AFF2: variants seen among roughly 807,000 people sequenced by gnomAD.
The protein encoded by AFF2 is ALF transcription elongation factor 2, also known as AF4/FMR2 family member 2.
In AFF2, 14 loss-of-function variants were observed where a neutral mutation model predicts 76.9. The observed-to-expected ratio is 0.18, with a 90% CI of 0.12 to 0.28. AFF2 has a LOEUF of 0.28. Ranked by LOEUF, AFF2 falls within the 10% of genes least tolerant of loss-of-function variation. AFF2 has a pLI of 1.00. For missense variants in AFF2, 868 were observed against 1,001.1 expected (o/e 0.87, Z 1.79); for synonymous variants, 398 against 366.7 (o/e 1.09, Z -0.98).
At chrX:148,618,537 T>C (rs1210934675) in intron 1 of AFF2, among the ~76,000 whole-genome samples, 1 of 111,448 alleles carries the variant, frequency 9.0e-6, no homozygotes, top group Admixed American at 9.5e-5. Context: ...ATGGGGATTA[T>C]TATAATTGAA....
chrX:148,766,642 C>T (rs1256364013), intron 3 of AFF2, among the ~76,000 whole-genome samples: 1 of 108,269 alleles, frequency 9.2e-6, no homozygotes, highest in Non-Finnish European at 1.9e-5. Context: ...AAATTTTCTC[C>T]CATTTTGTAG....
rs1557292638 is a variant in AFF2 at position 148,993,948 on chromosome X, C to T, written c.*2616C>T. ...TCACAGTGTAAATGGTGATGCGTGT[C>T]GTAGGTGTGCAGCTATTTGAGGGAC... On this transcript the variant is annotated 3_prime_UTR_variant, in exon 21 of 21. Coordinates refer to ENST00000370460, the MANE Select transcript of AFF2 (RefSeq NM_002025.4). The T allele has an allele frequency of 8.9e-6, 1 of 111,915 alleles. No homozygotes were observed. The highest frequency in any genetic ancestry group is 3.3e-5 in the African/African-American group (1 of 30,603). 9.2% of individuals were successfully genotyped at this position (111,915 alleles called of 1,213,427 possible). A position where few individuals can be genotyped will look rare whatever the true frequency, so the allele number is the denominator to read the frequency against.
chrX:148,974,365 A>T (rs1359086082), intron 16 of AFF2, among the ~76,000 whole-genome samples: 3 of 111,425 alleles, frequency 2.7e-5, no homozygotes, highest in Non-Finnish European at 5.7e-5. Flanking sequence ...AATAGTGGAT[A>T]AGCACCATCG....
At chrX:148,553,520 C>T (rs1305571617) in intron 1 of AFF2, among the ~76,000 whole-genome samples, 3 of 111,710 alleles carry the variant, frequency 2.7e-5, no homozygotes, top group Admixed American at 1.9e-4. Context: ...AAACACATAA[C>T]AAATGTACTG....
intron 1 of AFF2, among the ~76,000 whole-genome samples, chrX:148,622,231 G>A (rs1473668377): frequency 8.9e-6 from 1 of 111,934 alleles, no homozygotes; most frequent in Non-Finnish European, 1.9e-5. Context: ...TTCAGAAAAA[G>A]AGAACCAGTA....
At chrX:148,653,410 G>A (rs1013220635) in intron 2 of AFF2, among the ~76,000 whole-genome samples, 10 of 112,013 alleles carry the variant, frequency 8.9e-5, no homozygotes, top group African/African-American at 2.9e-4. Context: ...GTTCCTAGTC[G>A]AGTGGCAGAG....
chrX:148,633,491 G>A (rs1432195521), intron 1 of AFF2, among the ~76,000 whole-genome samples: 1 of 112,165 alleles, frequency 8.9e-6, no homozygotes, highest in Non-Finnish European at 1.9e-5. Flanking sequence ...AGCATTCACC[G>A]TACCCTTATA....
At chrX:148,829,637 T>A (rs1557273173) in intron 4 of AFF2, among the ~76,000 whole-genome samples, 1 of 112,247 alleles carries the variant, frequency 8.9e-6, no homozygotes, top group East Asian at 2.8e-4. Context: ...TCTTCTCATA[T>A]ATATCTTTGA....
rs781996939 is a variant in AFF2, at chrX:148,739,363, A to G, written c.1042-70513A>G. Among the ~76,000 whole-genome samples, 42 of 112,187 alleles carry G rather than the reference A, an allele frequency of 3.7e-4. 2 individuals carry two copies. The South Asian group carries it at 0.015, about 39-fold the overall frequency. Reference sequence around the variant, plus strand: ...CTGTTGGATAAGGCCTTTTACCATTATATAATGTCCCTCTCTGTCTCTTTT... The same window carrying G: ...CTGTTGGATAAGGCCTTTTACCATTGTATAATGTCCCTCTCTGTCTCTTTT... On this transcript the variant is annotated intron_variant, in intron 3 of 20. Transcript: ENST00000370460.
chrX:148,581,326 A>G (rs1373954892), intron 1 of AFF2, among the ~76,000 whole-genome samples: 1 of 3,234 alleles, frequency 3.1e-4, no homozygotes, highest in Admixed American at 3.8e-3. Context: ...GTGTACACAC[A>G]TATATACGTA....
At chrX:148,738,744 G>A (rs992957908) in intron 3 of AFF2, among the ~76,000 whole-genome samples, 2 of 111,321 alleles carry the variant, frequency 1.8e-5, no homozygotes, top group Non-Finnish European at 3.8e-5. Flanking sequence ...ACTTTTTGAT[G>A]TAGGTGTTTA....
At position 148,521,368 on chromosome X, in the gene AFF2, G is replaced by C. The variant is rs781976445; in HGVS notation, c.47+20224G>C. Among the ~76,000 whole-genome samples, 297 of 81,915 alleles carry C rather than the reference G, an allele frequency of 3.6e-3. 1 individual carries two copies. Among genetic ancestry groups the C allele is most frequent in the Admixed American group, 6.9e-3 (45 of 6,568 alleles). The allele number at this position is 81,915 out of a possible 115,157, so 71.1% of individuals were successfully genotyped here. A position where few individuals can be genotyped will look rare whatever the true frequency, so the allele number is the denominator to read the frequency against. ...GGTTCCACAGGTACCTGAAAAGCAC[G>C]TGCATGCACACACACACACACACAC... On this transcript the variant is annotated intron_variant, in intron 1 of 20. Coordinates refer to ENST00000370460, the MANE Select transcript of AFF2 (RefSeq NM_002025.4).
intron 3 of AFF2, among the ~76,000 whole-genome samples, chrX:148,695,555 C>T (rs782492313): frequency 2.7e-5 from 3 of 111,857 alleles, no homozygotes; most frequent in Non-Finnish European, 3.8e-5. Context: ...CATTCATTAA[C>T]GAAAGTCTTT....
chrX:148,980,856 C>A, intron 19 of AFF2, 66 bp downstream of exon 19: 1 of 856,778 alleles, frequency 1.2e-6, no homozygotes, highest in Non-Finnish European at 1.7e-6. Context: ...AGATATTTTG[C>A]ATTGACAAGT....
At chrX:148,916,196 C>CTTTTTTTTTTTTTTT (rs782508166) in intron 9 of AFF2, among the ~76,000 whole-genome samples, 12 of 34,038 alleles carry the variant, frequency 3.5e-4, no homozygotes, top group African/African-American at 1.4e-3. Context: ...GTGGTTTTAA[C>CTTTTTTTTTTTTTTT]TTTTTTTTTT....
intron 1 of AFF2, among the ~76,000 whole-genome samples, chrX:148,607,015 C>T (rs938945736): frequency 1.8e-5 from 2 of 111,253 alleles, no homozygotes; most frequent in South Asian, 7.5e-4. Flanking sequence ...AAATTGGCTT[C>T]GTGTGCCATG....
intron 8 of AFF2, among the ~76,000 whole-genome samples, chrX:148,897,750 G>A (rs2071310893): frequency 9.1e-6 from 1 of 110,422 alleles, no homozygotes; most frequent in Non-Finnish European, 1.9e-5. Flanking sequence ...TATGAGGTGT[G>A]CCCCCTTAGC....
At chrX:148,532,537 G>T (rs997385886) in intron 1 of AFF2, among the ~76,000 whole-genome samples, 5 of 112,331 alleles carry the variant, frequency 4.5e-5, no homozygotes, top group Non-Finnish European at 9.4e-5. Context: ...TTCTGTCCAT[G>T]AAAATAGGCA....
rs139653372 is a variant in AFF2 at position 148,861,057 on chromosome X, A to G, written c.1262+17624A>G. Among the ~76,000 whole-genome samples the G allele has an allele frequency of 8.5e-3, 955 of 111,773 alleles. 9 individuals are homozygous for G. The highest frequency in any genetic ancestry group is 0.029 in the African/African-American group (886 of 30,846). On this transcript the variant is annotated intron_variant, in intron 7 of 20. Coordinates refer to ENST00000370460, the MANE Select transcript of AFF2 (RefSeq NM_002025.4). ...CTAAGATTTAAAAAGAAAAGATCCA[A>G]TTGTGTTTATTTGTGGCCACCAAGC...
Sources: allele counts gnomAD v4.1 joint callset (sites outside exome capture counted in the v4.1 genomes callset), GRCh38; gene constraint gnomAD v4.1.1; transcripts MANE v1.5; gene names NCBI Gene and HGNC (gene_info 2026-07-23, HGNC 2026-07-21).